Variants in RHEX observed in about 807,000 individuals in gnomAD.
RHEX encodes the protein regulator of hemoglobinization and erythroid cell expansion protein.
Under a neutral mutation model 20.1 loss-of-function variants are expected in RHEX, and 18 were observed. The ratio of observed to expected loss-of-function variants is 0.90; its 90% CI spans 0.62 to 1.33. The LOEUF (loss-of-function observed/expected upper bound fraction) is 1.33, where lower values mean the gene tolerates loss of function less well. Among genes scored for constraint, RHEX ranks in the 40% most tolerant of loss-of-function variants. RHEX has a pLI of 0.00. For synonymous variants in RHEX, 87 were observed against 77.1 expected (o/e 1.13, Z -0.67); for missense variants, 192 against 214.3 (o/e 0.90, Z 0.65).
rs182564128 is a variant in RHEX at position 206,068,452 on chromosome 1, A to T, written c.-97+15187A>T. Among the ~76,000 whole-genome samples the T allele has an allele frequency of 4.2e-4, 64 of 152,292 alleles. No individual in the cohort carries two copies. In the East Asian group the frequency reaches 0.011, roughly 25 times the overall value. On this transcript the variant is annotated intron_variant, in intron 1 of 5. Coordinates refer to ENST00000331555, the MANE Select transcript of RHEX (RefSeq NM_001007544.4). ...ACATGCCTTATAGGGTATTTTTGGG[A>T]AGGAAAATTCATGAAGAGGGGACTG... is the stretch of plus-strand genomic sequence containing the variant.
At chr1:206,079,370 C>T (rs1293840665) in intron 1 of RHEX, among the ~76,000 whole-genome samples, 4 of 152,026 alleles carry the variant, frequency 2.6e-5, no homozygotes, top group African/African-American at 9.7e-5. Context: ...GCCATAAAGA[C>T]GTTTCCTTTA....
At chr1:206,097,332 C>T (rs989588505) in intron 1 of RHEX, among the ~76,000 whole-genome samples, 3 of 152,018 alleles carry the variant, frequency 2.0e-5, no homozygotes, top group African/African-American at 2.4e-5. Flanking sequence ...TGACCTGTGG[C>T]GCTTCTTGGC....
In RHEX at chr1:206,071,059, C is replaced by G. The variant is rs182710302; in HGVS notation, c.-97+17794C>G. On this transcript the variant is annotated intron_variant, in intron 1 of 5. Transcript: ENST00000331555. ...CACAAGGTGAAGTCTCACAATAGGC[C>G]ATCTGTAAGATGAGGAACAAGGAAG... Among the ~76,000 whole-genome samples the G allele has an allele frequency of 1.2e-4, 19 of 152,198 alleles. No individual in the cohort carries two copies. The East Asian group carries it at 3.7e-3, about 29-fold the overall frequency.
chr1:206,055,750 C>T (rs1035145678), intron 1 of RHEX, among the ~76,000 whole-genome samples: 1 of 152,272 alleles, frequency 6.6e-6, no homozygotes, highest in Non-Finnish European at 1.5e-5. Context: ...AGCCCTGGGG[C>T]TACCTGACCT....
In RHEX at chr1:206,102,209, G is replaced by A. The variant is rs766975930; in HGVS notation, c.*257G>A. On this transcript the variant is annotated 3_prime_UTR_variant, in exon 6 of 6. Transcript: ENST00000331555. ...GGCTGGGAAAACAGGCCAATGCCCC[G>A]GCAAGAAAGGTTGAGATCAGATGTT... 29 of 508,266 alleles carry A rather than the reference G, an allele frequency of 5.7e-5. No homozygotes were observed. The highest frequency in any genetic ancestry group is 1.9e-4 in the African/African-American group (10 of 52,238). The allele number at this position is 508,266 out of a possible 1,614,324, so 31.5% of individuals were successfully genotyped here. A position where few individuals can be genotyped will look rare whatever the true frequency, so the allele number is the denominator to read the frequency against.
chr1:206,097,993 G>A (rs1663110117), intron 2 of RHEX, 88 bp from the exon 3 acceptor site: 1 of 1,230,692 alleles, frequency 8.1e-7, no homozygotes, highest in Non-Finnish European at 1.2e-6. Context: ...AATGCCAGAT[G>A]TCTGCCTCCA....
At chr1:206,075,788 G>T (rs1662624979) in intron 1 of RHEX, among the ~76,000 whole-genome samples, 1 of 152,090 alleles carries the variant, frequency 6.6e-6, no homozygotes, top group African/African-American at 2.4e-5. Context: ...TTTTAGTAGA[G>T]ACAGGGTTTC....
intron 1 of RHEX, among the ~76,000 whole-genome samples, chr1:206,080,961 T>G (rs1553285798): frequency 2.0e-5 from 3 of 151,390 alleles, no homozygotes; most frequent in African/African-American, 7.3e-5. Flanking sequence ...TGCCACCACA[T>G]CCAGCTAATT....
At chr1:206,075,776 A>G (rs1280583463) in intron 1 of RHEX, among the ~76,000 whole-genome samples, 2 of 151,804 alleles carry the variant, frequency 1.3e-5, no homozygotes, top group Non-Finnish European at 2.9e-5. Flanking sequence ...ACATTTTTGT[A>G]TTTTTAGTAG....
At chr1:206,081,477 A>G (rs1220841491) in intron 1 of RHEX, among the ~76,000 whole-genome samples, 1 of 152,170 alleles carries the variant, frequency 6.6e-6, no homozygotes, top group Non-Finnish European at 1.5e-5. Flanking sequence ...AGAGGGGATA[A>G]ATGCCTCAGA....
intron 1 of RHEX, among the ~76,000 whole-genome samples, chr1:206,075,660 G>A (rs1662622703): frequency 6.6e-6 from 1 of 151,672 alleles, no homozygotes; most frequent in African/African-American, 2.4e-5. Context: ...GAGAGCAGTG[G>A]CATGATCTCT....
chr1:206,090,281 A>C (rs1352966530), intron 1 of RHEX, among the ~76,000 whole-genome samples: 1 of 139,302 alleles, frequency 7.2e-6, no homozygotes, highest in African/African-American at 2.7e-5. Context: ...ATCTCGGCTC[A>C]CTGCAATCTC....
chr1:206,072,293 G>A (rs1454423418), intron 1 of RHEX, among the ~76,000 whole-genome samples: 1 of 152,160 alleles, frequency 6.6e-6, no homozygotes, highest in African/African-American at 2.4e-5. Flanking sequence ...ATAAGAGAAT[G>A]GGCCGGGCGC....
At chr1:206,059,296 C>T (rs782168936) in intron 1 of RHEX, among the ~76,000 whole-genome samples, 12 of 152,154 alleles carry the variant, frequency 7.9e-5, no homozygotes, top group Non-Finnish European at 1.8e-4. Context: ...GAGGTCAGCT[C>T]TCTCACTCAG....
intron 1 of RHEX, among the ~76,000 whole-genome samples, chr1:206,073,238 C>T (rs1662568318): frequency 1.3e-5 from 2 of 152,134 alleles, no homozygotes; most frequent in African/African-American, 4.8e-5. Context: ...TTTGCCCTCT[C>T]ACTCTACTCC....
At chr1:206,057,361 A>T (rs1391294867) in intron 1 of RHEX, among the ~76,000 whole-genome samples, 1 of 152,252 alleles carries the variant, frequency 6.6e-6, no homozygotes, top group Non-Finnish European at 1.5e-5. Flanking sequence ...GGGTTCTGAA[A>T]GTCTTATTAT....
intron 1 of RHEX, among the ~76,000 whole-genome samples, chr1:206,070,594 A>T (rs566903682): frequency 2.1e-3 from 315 of 152,312 alleles, no homozygotes; most frequent in African/African-American, 7.2e-3. Context: ...TAATGTTTCT[A>T]CTGTACTGGG....
At chr1:206,085,699 T>G (rs1662824675) in intron 1 of RHEX, among the ~76,000 whole-genome samples, 1 of 152,186 alleles carries the variant, frequency 6.6e-6, no homozygotes, top group Non-Finnish European at 1.5e-5. Flanking sequence ...AGGCTCAAAG[T>G]TGCTCTTTCT....
At chr1:206,093,553 G>T (rs781444567) in intron 1 of RHEX, among the ~76,000 whole-genome samples, 24 of 152,152 alleles carry the variant, frequency 1.6e-4, no homozygotes, top group Non-Finnish European at 1.3e-4. Context: ...ACAGGTGTGG[G>T]CTACTGCGCC....
Sources: gnomAD v4.1 joint callset for allele counts (sites outside exome capture counted in the v4.1 genomes callset) on GRCh38, gnomAD v4.1.1 for gene constraint, MANE v1.5 for transcripts, NCBI Gene and HGNC (gene_info 2026-07-23, HGNC 2026-07-21) for gene names.